Variants in PLCB1 observed in about 807,000 individuals in gnomAD.
PLCB1 encodes 1-phosphatidylinositol 4,5-bisphosphate phosphodiesterase beta-1.
In PLCB1, 46 loss-of-function variants were observed where a neutral mutation model predicts 161.8. The ratio of observed to expected loss-of-function variants is 0.28; its 90% CI spans 0.22 to 0.36. The LOEUF (loss-of-function observed/expected upper bound fraction) is 0.36. Among genes scored for constraint, PLCB1 ranks in the 10% least tolerant of loss-of-function variants. PLCB1 has a pLI of 1.00. For missense variants in PLCB1, 1,016 were observed against 1,472.5 expected, an observed-to-expected ratio of 0.69 and a Z score of 5.07; for synonymous variants, 517 against 503.7, an observed-to-expected ratio of 1.03 and a Z score of -0.35.
chr20:8,185,277 G>A (rs2051890935), intron 2 of PLCB1, among the ~76,000 whole-genome samples: 1 of 152,044 alleles, frequency 6.6e-6, no homozygotes, highest in Non-Finnish European at 1.5e-5. Context: ...ATCTGCATGT[G>A]CACAAAAATG....
At chr20:8,714,038 A>C (rs1979164431) in intron 12 of PLCB1, among the ~76,000 whole-genome samples, 1 of 152,134 alleles carries the variant, frequency 6.6e-6, no homozygotes, top group African/African-American at 2.4e-5. Flanking sequence ...TTGATCAAAG[A>C]TAATTCGGGG....
intron 3 of PLCB1, among the ~76,000 whole-genome samples, chr20:8,547,975 T>C (rs569306401): frequency 6.6e-6 from 1 of 152,104 alleles, no homozygotes; most frequent in South Asian, 2.1e-4. Flanking sequence ...CCCTTAGTTA[T>C]ACTTTTCCTC....
intron 2 of PLCB1, among the ~76,000 whole-genome samples, chr20:8,340,417 TTTTTTG>T (rs573922262): frequency 9.8e-5 from 15 of 152,288 alleles, no homozygotes; most frequent in African/African-American, 1.2e-4. Context: ...ATTCTAGTTT[TTTTTTG>T]TTTTTGTTTT....
chr20:8,824,944 T>C (rs957859614), intron 31 of PLCB1, among the ~76,000 whole-genome samples: 3 of 152,082 alleles, frequency 2.0e-5, no homozygotes, highest in African/African-American at 4.8e-5. Context: ...AGTTCATGGG[T>C]CAACACTGGC....
At chr20:8,464,543 C>G (rs575722748) in intron 3 of PLCB1, among the ~76,000 whole-genome samples, 5 of 152,280 alleles carry the variant, frequency 3.3e-5, no homozygotes, top group South Asian at 2.1e-4. Context: ...GCTGATAAAA[C>G]ATCTGTAAGG....
intron 3 of PLCB1, among the ~76,000 whole-genome samples, chr20:8,532,747 A>C (rs1984863145): frequency 6.6e-6 from 1 of 152,132 alleles, no homozygotes; most frequent in African/African-American, 2.4e-5. Context: ...AGTGAGAGGG[A>C]GGAAGAAGAA....
At chr20:8,276,455 T>C (rs1196511337) in intron 2 of PLCB1, among the ~76,000 whole-genome samples, 1 of 152,228 alleles carries the variant, frequency 6.6e-6, no homozygotes, top group Non-Finnish European at 1.5e-5. Context: ...TGCAATTATA[T>C]AGAAAGCACT....
intron 12 of PLCB1, among the ~76,000 whole-genome samples, chr20:8,712,001 A>G (rs1979041889): frequency 6.6e-6 from 1 of 152,158 alleles, no homozygotes; most frequent in Non-Finnish European, 1.5e-5. Flanking sequence ...ACAAATTTAT[A>G]CTAGAAAAAA....
intron 6 of PLCB1, 64 bp from the exon 7 acceptor site, chr20:8,649,310 A>G: frequency 1.0e-6 from 1 of 961,666 alleles, no homozygotes; most frequent in South Asian, 1.4e-5. Context: ...AGTTGGCATC[A>G]TCTGTTAGTG....
chr20:8,662,786 G>T (rs1989716186), intron 9 of PLCB1, among the ~76,000 whole-genome samples: 1 of 151,800 alleles, frequency 6.6e-6, no homozygotes, highest in Non-Finnish European at 1.5e-5. Context: ...GAAGTAAAGA[G>T]AAGGCGCATT....
intron 3 of PLCB1, among the ~76,000 whole-genome samples, chr20:8,459,256 T>C (rs1288341455): frequency 6.6e-6 from 1 of 152,216 alleles, no homozygotes; most frequent in Non-Finnish European, 1.5e-5. Context: ...AGTAATTGTA[T>C]TGAGTCTGAA....
At position 8,152,931 on chromosome 20, in the gene PLCB1, T is replaced by C. The variant is rs187507828; in HGVS notation, c.177+2560T>C. ...GGAGGTAAATGGCCACATTTTATGA[T>C]GTTCTATGCATGTCCGTCTCTTGTC... On this transcript the variant is annotated intron_variant, in intron 2 of 31. Transcript: ENST00000338037. Among the ~76,000 whole-genome samples, 18 of 152,290 alleles carry C rather than the reference T, an allele frequency of 1.2e-4. No individual in the cohort carries two copies. In the East Asian group the frequency reaches 3.3e-3, roughly 28 times the overall value.
chr20:8,420,520 A>G (rs909528633), intron 3 of PLCB1, among the ~76,000 whole-genome samples: 1 of 152,128 alleles, frequency 6.6e-6, no homozygotes, highest in Non-Finnish European at 1.5e-5. Flanking sequence ...TAATTTGCCT[A>G]CCTTAACTCC....
At chr20:8,356,651 C>T (rs1191795603) in intron 2 of PLCB1, among the ~76,000 whole-genome samples, 4 of 152,094 alleles carry the variant, frequency 2.6e-5, no homozygotes, top group Admixed American at 2.6e-4. Context: ...ATAATAGCAC[C>T]AATTTTGGTA....
At chr20:8,241,025 T>TG (rs1980583748) in intron 2 of PLCB1, among the ~76,000 whole-genome samples, 1 of 151,654 alleles carries the variant, frequency 6.6e-6, no homozygotes, top group Admixed American at 6.6e-5. Context: ...CTTGTCTGTT[T>TG]TAGGTTATTT....
At chr20:8,532,956 G>A (rs1368662964) in intron 3 of PLCB1, among the ~76,000 whole-genome samples, 3 of 151,656 alleles carry the variant, frequency 2.0e-5, no homozygotes, top group African/African-American at 4.9e-5. Context: ...CTGGTGTGCT[G>A]CACCCATTAA....
intron 2 of PLCB1, among the ~76,000 whole-genome samples, chr20:8,368,502 G>GGGT (rs1433053303): frequency 7.0e-6 from 1 of 143,772 alleles, no homozygotes; most frequent in East Asian, 2.0e-4. Context: ...ACTTTAGCCT[G>GGGT]GGTGATGGAG....
intron 9 of PLCB1, among the ~76,000 whole-genome samples, chr20:8,680,387 C>G (rs1990184487): frequency 6.6e-6 from 1 of 152,144 alleles, no homozygotes; most frequent in Admixed American, 6.5e-5. Flanking sequence ...TTTGCAAATA[C>G]TCTTGACCCC....
chr20:8,660,894 A>G (rs1600232376), intron 9 of PLCB1, among the ~76,000 whole-genome samples: 2 of 152,150 alleles, frequency 1.3e-5, no homozygotes, highest in African/African-American at 4.8e-5. Context: ...TTGAGTTTCA[A>G]AGCTGAGATC....
Sources: allele counts gnomAD v4.1 joint callset (sites outside exome capture counted in the v4.1 genomes callset), GRCh38; gene constraint gnomAD v4.1.1; transcripts MANE v1.5; gene names NCBI Gene and HGNC (gene_info 2026-07-23, HGNC 2026-07-21).